RBMS3: variants seen among roughly 807,000 people sequenced by gnomAD.
RBMS3 encodes the protein RNA binding motif single stranded interacting protein 3, also known as RNA-binding motif, single-stranded-interacting protein 3.
RBMS3 carries 27 observed loss-of-function variants against 66.8 expected under a neutral mutation model. The ratio of observed to expected loss-of-function variants is 0.40; its 90% CI spans 0.30 to 0.56. The LOEUF is 0.56. Ranked by LOEUF, RBMS3 falls within the 20% of genes least tolerant of loss-of-function variation. RBMS3 has a pLI of 0.40. For missense variants in RBMS3, 513 were observed against 549.5 expected, an observed-to-expected ratio of 0.93 and a Z score of 0.66; for synonymous variants, 188 against 183.0, an observed-to-expected ratio of 1.03 and a Z score of -0.22.
intron 3 of RBMS3, among the ~76,000 whole-genome samples, chr3:29,584,774 A>G (rs532643077): frequency 6.6e-6 from 1 of 152,238 alleles, no homozygotes; most frequent in East Asian, 1.9e-4. Flanking sequence ...TATAACTCAA[A>G]GCATCCATTT....
chr3:29,700,727 T>A (rs2052528401), intron 4 of RBMS3, among the ~76,000 whole-genome samples: 1 of 150,510 alleles, frequency 6.6e-6, no homozygotes, highest in South Asian at 2.1e-4. Context: ...AGGAAAGTAA[T>A]GGGGAGTTAG....
At chr3:29,672,280 A>C (rs1165879311) in intron 4 of RBMS3, among the ~76,000 whole-genome samples, 3 of 152,234 alleles carry the variant, frequency 2.0e-5, no homozygotes, top group Non-Finnish European at 4.4e-5. Context: ...AGAGCTCCTA[A>C]AGGAAGCAGT....
chr3:29,911,936 A>C (rs2149633651), intron 10 of RBMS3, among the ~76,000 whole-genome samples: 1 of 152,192 alleles, frequency 6.6e-6, no homozygotes, highest in Admixed American at 6.6e-5. Context: ...CAAGTTCATC[A>C]GGTTATATTC....
chr3:29,783,376 G>A (rs761489659), intron 6 of RBMS3, among the ~76,000 whole-genome samples: 3 of 152,136 alleles, frequency 2.0e-5, no homozygotes, highest in Non-Finnish European at 4.4e-5. Flanking sequence ...CCCGCTAGAA[G>A]GGATTGGGGT....
At chr3:29,623,154 A>T (rs1186952188) in intron 4 of RBMS3, among the ~76,000 whole-genome samples, 1 of 120,294 alleles carries the variant, frequency 8.3e-6, no homozygotes, top group East Asian at 2.9e-4. Flanking sequence ...TGAGAATTAA[A>T]GGGGATTAAA....
intron 6 of RBMS3, among the ~76,000 whole-genome samples, chr3:29,776,372 A>G (rs910647521): frequency 1.3e-5 from 2 of 151,928 alleles, no homozygotes; most frequent in African/African-American, 4.8e-5. Flanking sequence ...CAGGTTCCTC[A>G]TAGAACCTAA....
intron 1 of RBMS3, among the ~76,000 whole-genome samples, chr3:29,401,464 C>T (rs2039806481): frequency 6.6e-6 from 1 of 152,046 alleles, no homozygotes; most frequent in Non-Finnish European, 1.5e-5. Flanking sequence ...ACAATATATA[C>T]CTCTTCATCA....
intron 6 of RBMS3, among the ~76,000 whole-genome samples, chr3:29,819,090 AGACTCATGATG>A (rs1285489620): frequency 1.3e-5 from 2 of 152,210 alleles, no homozygotes; most frequent in Admixed American, 1.3e-4. Context: ...ATTATGTTCT[AGACTCATGATG>A]TTAAGTGAAA....
intron 1 of RBMS3, among the ~76,000 whole-genome samples, chr3:29,355,302 A>G (rs2037154931): frequency 6.6e-6 from 1 of 152,102 alleles, no homozygotes; most frequent in Admixed American, 6.6e-5. Flanking sequence ...CCCTTTTCAT[A>G]TATCTTCCTG....
chr3:29,582,229 G>T (rs1378003837), intron 3 of RBMS3, among the ~76,000 whole-genome samples: 3 of 152,064 alleles, frequency 2.0e-5, no homozygotes. Context: ...TTTCTCTACA[G>T]TCACCAGGCT....
intron 10 of RBMS3, among the ~76,000 whole-genome samples, chr3:29,931,923 T>G (rs1454098222): frequency 1.3e-5 from 2 of 152,210 alleles, no homozygotes; most frequent in Non-Finnish European, 2.9e-5. Context: ...TTTGTGTGAA[T>G]AACTATAGGC....
chr3:29,537,550 C>T (rs527368401), intron 3 of RBMS3: 2 of 152,090 alleles, frequency 1.3e-5, no homozygotes, highest in South Asian at 2.1e-4. Context: ...TTTGGTCGGG[C>T]GCGGTGGCTC....
chr3:29,908,870 T>A (rs1231658264), intron 10 of RBMS3, among the ~76,000 whole-genome samples: 1 of 152,064 alleles, frequency 6.6e-6, no homozygotes, highest in African/African-American at 2.4e-5. Flanking sequence ...TCAGGATAAT[T>A]TAATTGAAAA....
intron 1 of RBMS3, among the ~76,000 whole-genome samples, chr3:29,295,229 C>CT (rs1030501512): frequency 2.7e-5 from 4 of 147,238 alleles, no homozygotes; most frequent in African/African-American, 7.4e-5. Context: ...CTCTGTCATA[C>CT]TTTTTTTTAT....
At chr3:29,843,963 A>G (rs2058721260) in intron 6 of RBMS3, among the ~76,000 whole-genome samples, 1 of 152,140 alleles carries the variant, frequency 6.6e-6, no homozygotes, top group Non-Finnish European at 1.5e-5. Context: ...AAGAAAAAAA[A>G]AAAAAGGTTG....
chr3:29,631,715 T>C (rs2049288610), intron 4 of RBMS3, among the ~76,000 whole-genome samples: 1 of 151,922 alleles, frequency 6.6e-6, no homozygotes, highest in Admixed American at 6.6e-5. Context: ...AGCATGTTTT[T>C]TTCTAGTCTT....
intron 4 of RBMS3, among the ~76,000 whole-genome samples, chr3:29,727,312 A>T (rs1332846566): frequency 2.6e-5 from 4 of 152,204 alleles, no homozygotes; most frequent in Admixed American, 6.5e-5. Flanking sequence ...ATGGGCAAAG[A>T]CTTCATGACT....
chr3:29,566,949 T>C (rs535057380), intron 3 of RBMS3, among the ~76,000 whole-genome samples: 12 of 152,234 alleles, frequency 7.9e-5, no homozygotes, highest in African/African-American at 2.6e-4. Flanking sequence ...AGAAAAACAA[T>C]AAAAAGCTTA....
chr3:29,940,227 A>G (rs2061358468), intron 11 of RBMS3, among the ~76,000 whole-genome samples: 1 of 151,786 alleles, frequency 6.6e-6, no homozygotes, highest in Non-Finnish European at 1.5e-5. Flanking sequence ...TTCAATTTCA[A>G]TTTGCTCCAA....
Sources: gnomAD v4.1 joint callset for allele counts (sites outside exome capture counted in the v4.1 genomes callset) on GRCh38, gnomAD v4.1.1 for gene constraint, MANE v1.5 for transcripts, NCBI Gene and HGNC (gene_info 2026-07-23, HGNC 2026-07-21) for gene names.